FRAS1: variants seen among roughly 807,000 people sequenced by gnomAD.
The protein encoded by FRAS1 is Fraser extracellular matrix complex subunit 1, also known as extracellular matrix organizing protein FRAS1.
FRAS1 carries 290 observed loss-of-function variants against 435.2 expected under a neutral mutation model. The observed-to-expected ratio is 0.67, with a 90% confidence interval of 0.61 to 0.73. The LOEUF is 0.73. Ranked by LOEUF, FRAS1 falls within the 30% of genes least tolerant of loss-of-function variation. The pLI, the probability that FRAS1 is intolerant of heterozygous loss-of-function variation, is 0.00. For synonymous variants in FRAS1, 1,800 were observed against 1,851.0 expected (o/e 0.97, Z 0.71); for missense variants, 4,860 against 5,001.5 (o/e 0.97, Z 0.85).
chr4:78,117,781 T>C (rs913396573), intron 2 of FRAS1, among the ~76,000 whole-genome samples: 5 of 152,282 alleles, frequency 3.3e-5, no homozygotes, highest in African/African-American at 7.2e-5. Flanking sequence ...TCGAACTTCC[T>C]CCTTTAGCTC....
Position 78,540,916 on chromosome 4 carries a change from A to G in FRAS1, c.11831A>G (p.Glu3944Gly). The G allele has an allele frequency of 2.5e-6, 4 of 1,613,966 alleles. No individual in the cohort carries two copies. The highest frequency in any genetic ancestry group is 2.2e-5 in the East Asian group (1 of 44,884). ...AAGAAGCCCGCAGAGGACATTTTGG[A>G]AGAATATCCTCTGAATACCAAGGTA... The part of the protein sequence containing the change: ...RKKKPAEDIL[E>G]EYPLNTKVEV... The change falls in exon 74 of 74, where the codon GAA (glutamate) becomes GGA (glycine). Residue 3944 changes from glutamate (E) to glycine (G), a missense_variant. By Grantham distance (98) the Glu-to-Gly change is moderately conservative (BLOSUM62 -2). Coordinates refer to ENST00000512123, the MANE Select transcript of FRAS1 (RefSeq NM_025074.7).
At chr4:78,343,642 TA>T (rs1180035049) in intron 20 of FRAS1, among the ~76,000 whole-genome samples, 1 of 152,212 alleles carries the variant, frequency 6.6e-6, no homozygotes, top group Non-Finnish European at 1.5e-5. Flanking sequence ...AGAAGGGCAC[TA>T]AAAATGTGGT....
At chr4:78,058,891 G>A (rs1333553328) in intron 1 of FRAS1, among the ~76,000 whole-genome samples, 3 of 152,216 alleles carry the variant, frequency 2.0e-5, no homozygotes, top group Non-Finnish European at 4.4e-5. Flanking sequence ...TGGGATGCCG[G>A]GCCTGGGGAC....
chr4:78,184,252 A>G (rs1722178319), intron 2 of FRAS1, among the ~76,000 whole-genome samples: 1 of 152,224 alleles, frequency 6.6e-6, no homozygotes, highest in African/African-American at 2.4e-5. Context: ...AGGAATTGGC[A>G]TACATGACTG....
intron 23 of FRAS1, among the ~76,000 whole-genome samples, 193 bp downstream of exon 23, chr4:78,370,177 T>C (rs1313655066): frequency 6.6e-6 from 1 of 152,238 alleles, no homozygotes; most frequent in Non-Finnish European, 1.5e-5. Context: ...CATATATTTT[T>C]GAGCACCTAT....
intron 66 of FRAS1, among the ~76,000 whole-genome samples, chr4:78,518,436 ATATATATATATATATATT>A (rs1365022909): frequency 8.4e-6 from 1 of 118,746 alleles, no homozygotes; most frequent in African/African-American, 3.5e-5. Flanking sequence ...ATATATATAT[ATATATATATATATATATT>A]TATTTATTTA....
intron 69 of FRAS1, among the ~76,000 whole-genome samples, chr4:78,523,038 A>C (rs984781804): frequency 1.3e-4 from 20 of 152,164 alleles, no homozygotes; most frequent in Non-Finnish European, 2.6e-4. Flanking sequence ...TGCCACCTGC[A>C]AATAGCCACT....
chr4:78,368,690 T>C (rs1200209031), intron 22 of FRAS1, among the ~76,000 whole-genome samples: 1 of 152,172 alleles, frequency 6.6e-6, no homozygotes, highest in Admixed American at 6.5e-5. Flanking sequence ...ATACATGGCA[T>C]GAAAAACATG....
At chr4:78,439,657 A>T (rs1450110340) in intron 40 of FRAS1, among the ~76,000 whole-genome samples, 1 of 151,554 alleles carries the variant, frequency 6.6e-6, no homozygotes, top group East Asian at 1.9e-4. Flanking sequence ...TAATTCTCTT[A>T]TTTATTTTTA....
intron 58 of FRAS1, among the ~76,000 whole-genome samples, chr4:78,485,626 AGT>A (rs1387677830): frequency 6.6e-6 from 1 of 152,204 alleles, no homozygotes; most frequent in African/African-American, 2.4e-5. Flanking sequence ...GAGTCCATTC[AGT>A]GTGAACATTC....
intron 47 of FRAS1, among the ~76,000 whole-genome samples, chr4:78,459,988 G>T (rs1248316660): frequency 6.6e-6 from 1 of 152,156 alleles, no homozygotes; most frequent in Non-Finnish European, 1.5e-5. Flanking sequence ...AAATACTGGG[G>T]CTTGGGACTT....
Position 78,473,561 on chromosome 4 carries a change from A to G in FRAS1, c.7646A>G (p.His2549Arg). The G allele has an allele frequency of 6.2e-7, 1 of 1,611,212 alleles. No individual in the cohort carries two copies. The highest frequency in any genetic ancestry group is 2.2e-5 in the East Asian group (1 of 44,788). Residue 2549 changes from histidine (H) to arginine (R), a missense_variant, in exon 53 of 74, where the codon CAT becomes CGT. Coordinates refer to ENST00000512123, the MANE Select transcript of FRAS1 (RefSeq NM_025074.7). Reference protein sequence around the residue: ...KPNVVSDNVFHIQWSLISFKY... With the variant: ...KPNVVSDNVFRIQWSLISFKY... ...AATGTGGTCAGCGACAATGTCTTCC[A>G]TATCCAGTGGTCACTCATCAGCTTT...
intron 14 of FRAS1, among the ~76,000 whole-genome samples, chr4:78,296,255 G>A (rs897954557): frequency 6.6e-6 from 1 of 151,474 alleles, no homozygotes; most frequent in African/African-American, 2.4e-5. Flanking sequence ...TTACGTGTTT[G>A]TACTTTTTTC....
intron 63 of FRAS1, among the ~76,000 whole-genome samples, chr4:78,509,414 C>A (rs55744800): frequency 0.32 from 49,335 of 151,958 alleles, 8,660 homozygotes; most frequent in South Asian, 0.52. Flanking sequence ...TATCTCCAAT[C>A]GTTCAATAAG....
intron 53 of FRAS1, among the ~76,000 whole-genome samples, chr4:78,473,951 T>C (rs900398124): frequency 5.9e-5 from 9 of 152,230 alleles, no homozygotes; most frequent in African/African-American, 1.7e-4. Flanking sequence ...ATCTTAACGA[T>C]GTGCTCTACT....
chr4:78,167,809 TG>T (rs1249768826), intron 2 of FRAS1, among the ~76,000 whole-genome samples: 1 of 151,968 alleles, frequency 6.6e-6, no homozygotes, highest in African/African-American at 2.4e-5. Flanking sequence ...GTTGACACAG[TG>T]GGTAGTCATG....
intron 22 of FRAS1, among the ~76,000 whole-genome samples, chr4:78,367,492 A>T (rs1425904122): frequency 6.6e-6 from 1 of 152,004 alleles, no homozygotes; most frequent in Non-Finnish European, 1.5e-5. Flanking sequence ...AGGGCAAGAA[A>T]TTGGCCTTGA....
chr4:78,458,202 A>G (rs1010427394), intron 47 of FRAS1, among the ~76,000 whole-genome samples: 1 of 152,110 alleles, frequency 6.6e-6, no homozygotes, highest in Non-Finnish European at 1.5e-5. Flanking sequence ...TCCTCAGCCC[A>G]CTCATAATCC....
intron 40 of FRAS1, among the ~76,000 whole-genome samples, chr4:78,440,273 C>T (rs1734608174): frequency 6.6e-6 from 1 of 152,066 alleles, no homozygotes; most frequent in South Asian, 2.1e-4. Context: ...ACCTCATGAT[C>T]CACCCGCCTC....
Sources: gnomAD v4.1 joint callset for allele counts (sites outside exome capture counted in the v4.1 genomes callset) on GRCh38, gnomAD v4.1.1 for gene constraint, MANE v1.5 for transcripts, NCBI Gene and HGNC (gene_info 2026-07-23, HGNC 2026-07-21) for gene names.